PREX2: variants seen among roughly 807,000 people sequenced by gnomAD.
The protein encoded by PREX2 is phosphatidylinositol-3,4,5-trisphosphate dependent Rac exchange factor 2.
Under a neutral mutation model 203.2 loss-of-function variants are expected in PREX2, and 107 were observed. That is an observed-to-expected ratio of 0.53 (90% CI 0.45 to 0.62). The LOEUF is 0.62. Among genes scored for constraint, PREX2 ranks in the 20% least tolerant of loss-of-function variants. PREX2 has a pLI of 0.00. For missense variants in PREX2, 1,777 were observed against 1,955.9 expected, an observed-to-expected ratio of 0.91 and a Z score of 1.72; for synonymous variants, 672 against 663.6, an observed-to-expected ratio of 1.01 and a Z score of -0.19.
chr8:68,182,876 T>A (rs1812112039), intron 35 of PREX2, among the ~76,000 whole-genome samples: 1 of 151,580 alleles, frequency 6.6e-6, no homozygotes, highest in Admixed American at 6.6e-5. Context: ...GTTCTCAAGA[T>A]GTCACATTTG....
chr8:68,003,920 C>G (rs1303120080), intron 1 of PREX2, among the ~76,000 whole-genome samples: 1 of 145,228 alleles, frequency 6.9e-6, no homozygotes, highest in African/African-American at 2.6e-5. Flanking sequence ...GCAATCTCGG[C>G]TCACTGCAAC....
At position 67,952,632 on chromosome 8, in the gene PREX2, G is replaced by C. The variant is rs1417906346; in HGVS notation, c.141+97G>C. 4 of 1,499,258 alleles carry C rather than the reference G, an allele frequency of 2.7e-6. No individual in the cohort carries two copies. In the Admixed American group the frequency reaches 7.8e-5, roughly 29 times the overall value. The allele number at this position is 1,499,258 out of a possible 1,614,324, so 92.9% of individuals were successfully genotyped here. ...AGGACGCGCGGCATTGTCTGTGCGG[G>C]GACCCGGGACGGGTCGGGGCATCAC... On this transcript the variant is annotated intron_variant, in intron 1 of 39. Transcript: ENST00000288368.
chr8:68,099,777 T>G lies in PREX2; in HGVS notation c.2649T>G (p.Ser883Arg). Residue 883 changes from serine to arginine, a missense_variant, in exon 23 of 40, where the codon AGT (serine) becomes AGG (arginine). By Grantham distance (110) the Ser-to-Arg change is moderately radical (BLOSUM62 -1). Transcript: ENST00000288368. ...AAGTGATTCCTACTGACCTTCAGAGTAAATTCAGTGCCCTTTGCAGTGAAA... is the reference window on the plus strand; with the variant it reads ...AAGTGATTCCTACTGACCTTCAGAGGAAATTCAGTGCCCTTTGCAGTGAAA... ...LNEVIPTDLQ[S>R]KFSALCSERI... 1 of 1,612,976 alleles carries G rather than the reference T, an allele frequency of 6.2e-7. No homozygotes were observed. The highest frequency in any genetic ancestry group is 1.1e-5 in the South Asian group (1 of 91,066).
chr8:68,098,380 A>G (rs548829078), intron 22 of PREX2, among the ~76,000 whole-genome samples: 100 of 152,300 alleles, frequency 6.6e-4, no homozygotes, highest in Non-Finnish European at 9.7e-4. Context: ...GAACTATTTT[A>G]AAAGTAATTA....
Position 68,077,427 on chromosome 8 carries a change from A to C in PREX2, c.1600A>C (p.Ile534Leu). Residue 534 changes from isoleucine to leucine, a missense_variant, in exon 15 of 40, where the codon ATA (isoleucine) becomes CTA (leucine). Coordinates refer to ENST00000288368, the MANE Select transcript of PREX2 (RefSeq NM_024870.4). ...GDCRTREEAM[I>L]FGVGLCDNGF... Reference sequence around the variant, plus strand: ...TTGCCGCACCAGAGAAGAGGCAATGATATTTGGCGTTGGACTCTGTGACAA... The same window carrying C: ...TTGCCGCACCAGAGAAGAGGCAATGCTATTTGGCGTTGGACTCTGTGACAA... 1.2e-6 allele frequency: 2 copies of C among 1,613,942 alleles called. No homozygotes were observed. Among genetic ancestry groups the C allele is most frequent in the Non-Finnish European group, 1.7e-6 (2 of 1,179,838 alleles).
rs1333079841 is a variant in PREX2 at position 68,236,530 on chromosome 8, T to C, written c.*5152T>C. ...ATATCATATATACAAATATACTGTA[T>C]GTAGCCAAGAACACTAAATTGGTAA... On this transcript the variant is annotated 3_prime_UTR_variant, in exon 40 of 40. Transcript: ENST00000288368. 6.6e-6 allele frequency: 1 copy of C among 152,196 alleles called. No individual in the cohort carries two copies. Among genetic ancestry groups the C allele is most frequent in the Non-Finnish European group, 1.5e-5 (1 of 68,022 alleles). The allele number at this position is 152,196 out of a possible 1,614,324, so 9.4% of individuals were successfully genotyped here.
intron 23 of PREX2, chr8:68,105,585 T>TCTAA: frequency 9.1e-7 from 1 of 1,094,338 alleles, no homozygotes; most frequent in Admixed American, 4.8e-5. Flanking sequence ...TACCAAAATT[T>TCTAA]CTAACTATCT....
intron 27 of PREX2, chr8:68,118,981 A>G (rs1312223252): frequency 1.5e-5 from 7 of 459,882 alleles, no homozygotes; most frequent in Non-Finnish European, 2.5e-5. Flanking sequence ...GCAGGTGTGG[A>G]GTTTGAAGCA....
At chr8:68,137,917 A>G (rs1205856765) in intron 32 of PREX2, among the ~76,000 whole-genome samples, 1 of 152,270 alleles carries the variant, frequency 6.6e-6, no homozygotes, top group Non-Finnish European at 1.5e-5. Context: ...GAAGCCAAAT[A>G]ATCACACATT....
intron 35 of PREX2, among the ~76,000 whole-genome samples, chr8:68,185,898 G>A (rs1434230085): frequency 6.7e-6 from 1 of 148,516 alleles, no homozygotes; most frequent in African/African-American, 2.5e-5. Context: ...CTCAGACAAA[G>A]GACCATGATG....
Position 68,115,946 on chromosome 8 carries a change from T to G in PREX2, c.3326+14T>G. ...AGACTCTTACAGGTAATTCACTAAT[T>G]CCTCAAACTCATTTTCTTAACAAAG... On this transcript the variant is annotated intron_variant, in intron 26 of 39. Transcript: ENST00000288368. 11 of 1,559,840 alleles carry G rather than the reference T, an allele frequency of 7.1e-6. No individual in the cohort carries two copies. Among genetic ancestry groups the G allele is most frequent in the Non-Finnish European group, 9.5e-6 (11 of 1,152,154 alleles).
In PREX2 at chr8:68,191,599, A is replaced by G. The variant is rs190946174; in HGVS notation, c.4347-123A>G. On this transcript the variant is annotated intron_variant, in intron 35 of 39. Coordinates refer to ENST00000288368, the MANE Select transcript of PREX2 (RefSeq NM_024870.4). ...GACATTTGTGCAACCCCAACCTTCTAATGTTCAATGCTTTTGTTTATTCAC... is the reference window on the plus strand; with the variant it reads ...GACATTTGTGCAACCCCAACCTTCTGATGTTCAATGCTTTTGTTTATTCAC... 4.0e-4 allele frequency: 266 copies of G among 670,894 alleles called. 1 individual carries two copies. Among genetic ancestry groups the G allele is most frequent in the Middle Eastern group, 2.4e-3 (9 of 3,688 alleles). The allele number at this position is 670,894 out of a possible 1,614,324, so 41.6% of individuals were successfully genotyped here.
intron 35 of PREX2, among the ~76,000 whole-genome samples, chr8:68,178,262 T>G (rs1249436457): frequency 6.6e-6 from 1 of 152,174 alleles, no homozygotes; most frequent in East Asian, 1.9e-4. Flanking sequence ...AGTGTTTCCT[T>G]TTTCTCTGCA....
intron 37 of PREX2, among the ~76,000 whole-genome samples, chr8:68,204,036 C>G (rs558253045): frequency 6.6e-6 from 1 of 152,150 alleles, no homozygotes; most frequent in South Asian, 2.1e-4. Flanking sequence ...TAAATTCCCC[C>G]CGCCCCACCC....
At chr8:68,011,780 T>TA (rs1483761320) in intron 1 of PREX2, among the ~76,000 whole-genome samples, 2 of 152,170 alleles carry the variant, frequency 1.3e-5, no homozygotes, top group African/African-American at 4.8e-5. Context: ...AATATCCTGT[T>TA]AAAATAATAA....
intron 14 of PREX2, among the ~76,000 whole-genome samples, chr8:68,074,684 G>GTTT (rs1364626408): frequency 3.5e-4 from 54 of 152,124 alleles, no homozygotes; most frequent in Middle Eastern, 3.4e-3. Context: ...TTGTTTGTTT[G>GTTT]TTTGTTTTTT....
At chr8:68,210,253 A>T (rs1348187216) in intron 37 of PREX2, among the ~76,000 whole-genome samples, 3 of 152,310 alleles carry the variant, frequency 2.0e-5, no homozygotes, top group Admixed American at 1.3e-4. Context: ...TAATTACTTT[A>T]AAAAATTTTT....
At chr8:68,095,521 A>C (rs72660897) in intron 21 of PREX2, among the ~76,000 whole-genome samples, 1 of 102,014 alleles carries the variant, frequency 9.8e-6, no homozygotes, top group Non-Finnish European at 2.0e-5. Flanking sequence ...ACATACATAC[A>C]TACATACATA....
Position 68,019,649 on chromosome 8 carries a change from T to A in PREX2, c.314T>A (p.Val105Glu). ...LHPEPNAQQE[V>E]GTCFLHFKDK... is the part of the protein sequence containing the mutation. ...CCCGAACCTAATGCTCAACAAGAAG[T>A]GGGAACCTGCTTTCTTCACTTTGTA... Residue 105 changes from valine (V) to glutamate (E), a missense_variant, in exon 3 of 40, where the codon GTG becomes GAG. Coordinates refer to ENST00000288368, the MANE Select transcript of PREX2 (RefSeq NM_024870.4). 6.2e-7 allele frequency: 1 copy of A among 1,610,006 alleles called. No homozygotes were observed. Among genetic ancestry groups the A allele is most frequent in the East Asian group, 2.2e-5 (1 of 44,850 alleles).
Sources: gnomAD v4.1 joint callset for allele counts (sites outside exome capture counted in the v4.1 genomes callset) on GRCh38, gnomAD v4.1.1 for gene constraint, MANE v1.5 for transcripts, NCBI Gene and HGNC (gene_info 2026-07-23, HGNC 2026-07-21) for gene names.